Variants in EXOC6 observed in about 807,000 individuals in gnomAD.
EXOC6 encodes the protein exocyst complex component 6, also known as SEC15-like 1.
In EXOC6, 60 loss-of-function variants were observed where a neutral mutation model predicts 112.5. That is an observed-to-expected ratio of 0.53 (90% CI 0.43 to 0.66). The LOEUF (loss-of-function observed/expected upper bound fraction) is 0.66. Among genes scored for constraint, EXOC6 ranks in the 30% least tolerant of loss-of-function variants. The pLI, the probability that EXOC6 is intolerant of heterozygous loss-of-function variation, is 0.00. For synonymous variants in EXOC6, 295 were observed against 308.0 expected (o/e 0.96, Z 0.44); for missense variants, 855 against 957.1 (o/e 0.89, Z 1.41).
chr10:93,043,628 C>G (rs1845886110), intron 20 of EXOC6, among the ~76,000 whole-genome samples: 1 of 152,134 alleles, frequency 6.6e-6, no homozygotes, highest in Non-Finnish European at 1.5e-5. Flanking sequence ...GGATAACAGC[C>G]TATTTTGCTT....
At chr10:92,859,141 T>C (rs1395899061) in intron 1 of EXOC6, among the ~76,000 whole-genome samples, 1 of 152,214 alleles carries the variant, frequency 6.6e-6, no homozygotes, top group Non-Finnish European at 1.5e-5. Context: ...TTTGTTATTA[T>C]TGTTGAAAAC....
intron 4 of EXOC6, among the ~76,000 whole-genome samples, chr10:92,897,038 T>C (rs1849865842): frequency 6.6e-6 from 1 of 152,190 alleles, no homozygotes; most frequent in African/African-American, 2.4e-5. Flanking sequence ...TAATAATACC[T>C]CTTTGCCACC....
intron 8 of EXOC6, among the ~76,000 whole-genome samples, chr10:92,925,606 A>G (rs1851671783): frequency 6.6e-6 from 1 of 151,898 alleles, no homozygotes; most frequent in Non-Finnish European, 1.5e-5. Context: ...TGGTGATATT[A>G]TGGTGTAAAC....
At chr10:92,994,923 A>G (rs1032510512) in intron 18 of EXOC6, among the ~76,000 whole-genome samples, 12 of 152,020 alleles carry the variant, frequency 7.9e-5, no homozygotes, top group Non-Finnish European at 1.5e-4. Flanking sequence ...AAGTTTAAGA[A>G]TAGTTGTATA....
At chr10:92,897,811 C>G (rs970941095) in intron 4 of EXOC6, among the ~76,000 whole-genome samples, 6 of 152,146 alleles carry the variant, frequency 3.9e-5, no homozygotes, top group Non-Finnish European at 7.3e-5. Context: ...AATCTGGGAG[C>G]CCCCACTTCT....
At chr10:92,987,822 T>G (rs1401614346) in intron 18 of EXOC6, among the ~76,000 whole-genome samples, 1 of 152,130 alleles carries the variant, frequency 6.6e-6, no homozygotes, top group Non-Finnish European at 1.5e-5. Flanking sequence ...TGTGAAGCAG[T>G]CAAGATTCTC....
chr10:93,015,693 A>G (rs9419760), intron 20 of EXOC6, among the ~76,000 whole-genome samples: 1,567 of 152,164 alleles, frequency 0.01, 29 homozygotes, highest in African/African-American at 0.036. Flanking sequence ...AGATTGTGCC[A>G]TTGCACTCCA....
At position 92,948,290 on chromosome 10, in the gene EXOC6, G is replaced by C; in HGVS notation, c.1327G>C (p.Asp443His). ...AGVFRDIFEE[D>H]NYSPIPVVNE... Reference sequence around the variant, plus strand: ...TCCTAACAGGGACATTTTTGAAGAAGATAATTACAGCCCCATCCCTGTTGT... The same window carrying C: ...TCCTAACAGGGACATTTTTGAAGAACATAATTACAGCCCCATCCCTGTTGT... Residue 443 changes from aspartate (D) to histidine (H), a missense_variant, in exon 14 of 22, where the codon GAT becomes CAT. Around this residue, in one of 2 missense-constraint regions of EXOC6, gnomAD observed 450 missense variants for 563.5 expected, o/e 0.80. Transcript: ENST00000260762. 6.2e-7 allele frequency: 1 copy of C among 1,603,614 alleles called. No homozygotes were observed. The highest frequency in any genetic ancestry group is 8.5e-7 in the Non-Finnish European group (1 of 1,175,124).
At chr10:92,864,624 A>G (rs1054418162) in intron 1 of EXOC6, among the ~76,000 whole-genome samples, 3 of 149,806 alleles carry the variant, frequency 2.0e-5, no homozygotes, top group African/African-American at 5.0e-5. Context: ...GCCATCGCCA[A>G]TGTGGGTGGA....
intron 1 of EXOC6, among the ~76,000 whole-genome samples, chr10:92,836,588 T>A (rs909325109): frequency 1.3e-5 from 2 of 152,216 alleles, no homozygotes; most frequent in African/African-American, 2.4e-5. Context: ...ACACTGATGT[T>A]ATTTTGGGGG....
Position 92,974,075 on chromosome 10 carries a change from G to A in EXOC6, c.1796G>A (p.Gly599Glu). 2.5e-6 allele frequency: 4 copies of A among 1,596,030 alleles called. No homozygotes were observed. Among genetic ancestry groups the A allele is most frequent in the Non-Finnish European group, 3.4e-6 (4 of 1,176,068 alleles). ...TFKDARHAAE[G>E]EIYTKLNQKI... ...CAGGATGCTCGACATGCAGCAGAAG[G>A]AGAAATATATACCAAACTGAATCAA... Residue 599 changes from glycine (G) to glutamate (E), a missense_variant, in exon 18 of 22, where the codon GGA (glycine) becomes GAA (glutamate). By Grantham distance (98) the Gly-to-Glu change is moderately conservative. Transcript: ENST00000260762.
At chr10:92,967,375 C>G (rs1842113452) in intron 17 of EXOC6, among the ~76,000 whole-genome samples, 1 of 152,022 alleles carries the variant, frequency 6.6e-6, no homozygotes, top group African/African-American at 2.4e-5. Context: ...TTAAAAATTT[C>G]TAGATATTTG....
At chr10:92,895,891 C>A (rs1849725416) in intron 4 of EXOC6, among the ~76,000 whole-genome samples, 1 of 137,044 alleles carries the variant, frequency 7.3e-6, no homozygotes, top group South Asian at 2.4e-4. Context: ...ATATAGTAAG[C>A]TGAATCCATC....
chr10:92,850,613 A>G (rs1847277362), intron 1 of EXOC6, among the ~76,000 whole-genome samples: 1 of 152,222 alleles, frequency 6.6e-6, no homozygotes. Context: ...AAAATAGTGT[A>G]ATGAACCACC....
chr10:93,034,921 G>A (rs1376952782), intron 20 of EXOC6, among the ~76,000 whole-genome samples: 1 of 152,166 alleles, frequency 6.6e-6, no homozygotes, highest in Non-Finnish European at 1.5e-5. Flanking sequence ...ATTTGCCAAA[G>A]TTGTAGTATC....
chr10:93,032,982 A>G (rs1311607568), intron 20 of EXOC6, among the ~76,000 whole-genome samples: 1 of 152,158 alleles, frequency 6.6e-6, no homozygotes, highest in Non-Finnish European at 1.5e-5. Context: ...CTGTTAGGAA[A>G]GAGAAAGGGT....
intron 19 of EXOC6, among the ~76,000 whole-genome samples, chr10:93,006,465 G>T (rs552565326): frequency 1.3e-5 from 2 of 152,140 alleles, no homozygotes; most frequent in Non-Finnish European, 2.9e-5. Context: ...AAGAAATGGA[G>T]AAAACTAGAT....
At chr10:93,021,435 A>G (rs996088240) in intron 20 of EXOC6, among the ~76,000 whole-genome samples, 1 of 152,174 alleles carries the variant, frequency 6.6e-6, no homozygotes, top group African/African-American at 2.4e-5. Context: ...CATTTCTCCT[A>G]TTAATTTGCC....
At chr10:93,022,104 G>C (rs1844819966) in intron 20 of EXOC6, among the ~76,000 whole-genome samples, 3 of 152,108 alleles carry the variant, frequency 2.0e-5, no homozygotes, top group Admixed American at 2.0e-4. Context: ...CAAGTATATA[G>C]CTCACTAGGG....
Sources: gnomAD v4.1 joint callset for allele counts (sites outside exome capture counted in the v4.1 genomes callset) on GRCh38, gnomAD v4.1.1 for gene constraint, gnomAD v4.1.1 regional missense constraint, MANE v1.5 for transcripts, NCBI Gene and HGNC (gene_info 2026-07-23, HGNC 2026-07-21) for gene names.